The following DLGAP1 variants were observed in gnomAD, a reference collection of about 807,000 sequenced individuals.
The protein encoded by DLGAP1 is DLG associated protein 1, also known as disks large-associated protein 1.
A neutral mutation model predicts 90.8 loss-of-function variants in DLGAP1; 11 were observed. That is an observed-to-expected ratio of 0.12 (90% CI 0.08 to 0.20). DLGAP1 has a LOEUF of 0.20. Among genes scored for constraint, DLGAP1 ranks in the 10% least tolerant of loss-of-function variants. The pLI, the probability that DLGAP1 is intolerant of heterozygous loss-of-function variation, is 1.00. For synonymous variants in DLGAP1, 558 were observed against 540.7 expected, an observed-to-expected ratio of 1.03 and a Z score of -0.44; for missense variants, 1,050 against 1,333.8, an observed-to-expected ratio of 0.79 and a Z score of 3.31.
intron 7 of DLGAP1, among the ~76,000 whole-genome samples, chr18:3,596,166 CT>C (rs200521771): frequency 2.9e-4 from 42 of 146,022 alleles, no homozygotes; most frequent in African/African-American, 2.5e-4. Flanking sequence ...TTTTTCTTTT[CT>C]TTTTTTTTTT....
intron 4 of DLGAP1, among the ~76,000 whole-genome samples, chr18:3,864,016 T>C (rs2070241424): frequency 6.6e-6 from 1 of 152,226 alleles, no homozygotes; most frequent in Non-Finnish European, 1.5e-5. Flanking sequence ...TTCTACCAGC[T>C]GAGTGGTCAG....
intron 7 of DLGAP1, among the ~76,000 whole-genome samples, chr18:3,588,800 A>G (rs987134263): frequency 2.0e-5 from 3 of 151,496 alleles, no homozygotes; most frequent in East Asian, 1.9e-4. Flanking sequence ...AAAAGAAAAA[A>G]GAAAGAAAGA....
At chr18:4,008,645 T>C (rs1326503754) in intron 2 of DLGAP1, among the ~76,000 whole-genome samples, 2 of 152,370 alleles carry the variant, frequency 1.3e-5, no homozygotes, top group East Asian at 3.9e-4. Context: ...AAGTGTTTTA[T>C]TCTCATACAA....
At chr18:3,772,250 CTTCCTTTCTTTCTCTCT>C (rs2064625494) in intron 5 of DLGAP1, among the ~76,000 whole-genome samples, 2 of 139,716 alleles carry the variant, frequency 1.4e-5, no homozygotes, top group Admixed American at 1.6e-4. Flanking sequence ...TCCTTCTTTC[CTTCCTTTCTTTCTCTCT>C]TTCCTTCCTT....
At chr18:3,861,153 C>T (rs909057073) in intron 4 of DLGAP1, among the ~76,000 whole-genome samples, 6 of 152,054 alleles carry the variant, frequency 3.9e-5, no homozygotes, top group African/African-American at 1.2e-4. Flanking sequence ...TTACTTGAAT[C>T]GATTATTCAG....
At chr18:3,566,856 C>G (rs1319337355) in intron 9 of DLGAP1, among the ~76,000 whole-genome samples, 1 of 151,982 alleles carries the variant, frequency 6.6e-6, no homozygotes, top group East Asian at 1.9e-4. Flanking sequence ...CCAAGAAACT[C>G]CCAGTTTGAG....
At chr18:4,419,084 A>C (rs2082970611) in intron 1 of DLGAP1, among the ~76,000 whole-genome samples, 1 of 152,216 alleles carries the variant, frequency 6.6e-6, no homozygotes, top group African/African-American at 2.4e-5. Flanking sequence ...AATTCAGAAA[A>C]TATTTTGAAG....
At chr18:4,307,340 G>A (rs1022923031) in intron 1 of DLGAP1, among the ~76,000 whole-genome samples, 3 of 152,038 alleles carry the variant, frequency 2.0e-5, no homozygotes, top group South Asian at 2.1e-4. Flanking sequence ...CCTCTTTCAC[G>A]TCACCTCAAC....
chr18:4,052,209 G>C (rs1315431854), intron 2 of DLGAP1, among the ~76,000 whole-genome samples: 1 of 152,246 alleles, frequency 6.6e-6, no homozygotes. Context: ...TGGTGACTCT[G>C]TGGGGACTCT....
intron 10 of DLGAP1, among the ~76,000 whole-genome samples, chr18:3,511,727 T>C (rs186714443): frequency 8.5e-5 from 13 of 152,262 alleles, no homozygotes; most frequent in Admixed American, 1.3e-4. Context: ...CACTGCATCC[T>C]GCTGAATTTG....
At chr18:3,845,352 T>C (rs1185127387) in intron 4 of DLGAP1, 4 of 1,558,038 alleles carry the variant, frequency 2.6e-6, no homozygotes, top group Non-Finnish European at 3.5e-6. Flanking sequence ...ATTTGCCGAT[T>C]CTAAGTGGTT....
intron 2 of DLGAP1, among the ~76,000 whole-genome samples, chr18:4,102,393 G>C (rs1334908048): frequency 6.6e-6 from 1 of 152,174 alleles, no homozygotes; most frequent in African/African-American, 2.4e-5. Flanking sequence ...TTGGGTTTAG[G>C]CATATGCTTT....
At chr18:3,856,223 G>T (rs1480762825) in intron 4 of DLGAP1, among the ~76,000 whole-genome samples, 1 of 152,032 alleles carries the variant, frequency 6.6e-6, no homozygotes, top group Non-Finnish European at 1.5e-5. Flanking sequence ...TAAATACAAA[G>T]AAAAGAAAAA....
intron 5 of DLGAP1, among the ~76,000 whole-genome samples, chr18:3,781,897 T>C (rs2065209703): frequency 6.6e-6 from 1 of 152,204 alleles, no homozygotes; most frequent in African/African-American, 2.4e-5. Flanking sequence ...CTACTTCTCA[T>C]CTAGGTACAA....
chr18:3,843,301 A>G (rs933600978), intron 4 of DLGAP1, among the ~76,000 whole-genome samples: 1 of 152,242 alleles, frequency 6.6e-6, no homozygotes, highest in African/African-American at 2.4e-5. Context: ...GTTGACCACT[A>G]CAGACAAAAG....
At chr18:4,293,272 T>A (rs572345340) in intron 1 of DLGAP1, 2 of 152,310 alleles carry the variant, frequency 1.3e-5, no homozygotes, top group East Asian at 1.9e-4. Flanking sequence ...TGCAGCAATA[T>A]CTCTAAAAAC....
intron 7 of DLGAP1, among the ~76,000 whole-genome samples, chr18:3,719,556 C>CA (rs60129859): frequency 0.31 from 17,762 of 57,746 alleles, 3,931 homozygotes; most frequent in African/African-American, 0.63. Flanking sequence ...GACTCTGTCT[C>CA]AAAAAAAAAA....
intron 1 of DLGAP1, among the ~76,000 whole-genome samples, chr18:4,204,098 C>G (rs2144830530): frequency 6.6e-6 from 1 of 152,318 alleles, no homozygotes; most frequent in African/African-American, 2.4e-5. Context: ...GTAACAGAAA[C>G]CCAGTCATTA....
intron 1 of DLGAP1, among the ~76,000 whole-genome samples, chr18:4,283,468 GGCCCT>G (rs1426688332): frequency 6.6e-6 from 1 of 152,122 alleles, no homozygotes; most frequent in Non-Finnish European, 1.5e-5. Flanking sequence ...ATGGGTAAAG[GGCCCT>G]GTAAGATATA....
Sources: allele counts gnomAD v4.1 joint callset (sites outside exome capture counted in the v4.1 genomes callset), GRCh38; gene constraint gnomAD v4.1.1; transcripts MANE v1.5; gene names NCBI Gene and HGNC (gene_info 2026-07-23, HGNC 2026-07-21).